NCKAP5: variants seen among roughly 807,000 people sequenced by gnomAD.
NCKAP5 encodes NCK associated protein 5, also known as nck-associated protein 5.
Under a neutral mutation model 167.0 loss-of-function variants are expected in NCKAP5, and 92 were observed. The observed-to-expected ratio is 0.55, with a 90% CI of 0.47 to 0.66. The LOEUF (loss-of-function observed/expected upper bound fraction) is 0.66, where lower values mean the gene tolerates loss of function less well. Among genes scored for constraint, NCKAP5 ranks in the 30% least tolerant of loss-of-function variants. NCKAP5 has a pLI of 0.00. For missense variants in NCKAP5, 2,378 were observed against 2,315.0 expected (o/e 1.03, Z -0.56); for synonymous variants, 891 against 877.4 (o/e 1.02, Z -0.27).
intron 8 of NCKAP5, among the ~76,000 whole-genome samples, chr2:132,952,720 T>C (rs897094555): frequency 2.0e-5 from 3 of 152,230 alleles, no homozygotes; most frequent in Non-Finnish European, 4.4e-5. Context: ...AAACGAGCAC[T>C]GATCAAAGGC....
chr2:133,282,526 C>T, intron 4 of NCKAP5, among the ~76,000 whole-genome samples: 1 of 152,168 alleles, frequency 6.6e-6, no homozygotes, highest in East Asian at 1.9e-4. Flanking sequence ...GGGATAAAAA[C>T]ACCTAAACTG....
chr2:133,305,334 T>C (rs1421088019), intron 3 of NCKAP5, among the ~76,000 whole-genome samples: 1 of 152,200 alleles, frequency 6.6e-6, no homozygotes, highest in Non-Finnish European at 1.5e-5. Context: ...GTCACATTAT[T>C]AAATCTCTCT....
chr2:132,815,196 A>G (rs150074253), intron 11 of NCKAP5, among the ~76,000 whole-genome samples: 42 of 152,286 alleles, frequency 2.8e-4, no homozygotes, highest in Non-Finnish European at 3.4e-4. Context: ...TTCCTTTCAT[A>G]TTATACCATG....
rs569728032 is a variant in NCKAP5 at position 133,383,780 on chromosome 2, C to A, written c.70-80670G>T. Among the ~76,000 whole-genome samples, 16 of 152,270 alleles carry A rather than the reference C, an allele frequency of 1.1e-4. No homozygotes were observed. The East Asian group carries it at 2.7e-3, about 26-fold the overall frequency. On this transcript the variant is annotated intron_variant, in intron 3 of 19. Coordinates refer to ENST00000409261, the MANE Select transcript of NCKAP5 (RefSeq NM_207363.3). Reference sequence around the variant, plus strand: ...TTCTAACTGGTGTGAGATGGTATCTCATTGTGGTTTTGATTTGCATTTCTC... The same window carrying A: ...TTCTAACTGGTGTGAGATGGTATCTAATTGTGGTTTTGATTTGCATTTCTC...
intron 5 of NCKAP5, among the ~76,000 whole-genome samples, chr2:133,156,022 G>C (rs1200548454): frequency 1.3e-5 from 2 of 152,188 alleles, no homozygotes; most frequent in African/African-American, 4.8e-5. Flanking sequence ...TCTTAAGACA[G>C]GGCAATGACA....
chr2:133,133,004 A>G (rs1159888861), intron 5 of NCKAP5, among the ~76,000 whole-genome samples: 2 of 152,166 alleles, frequency 1.3e-5, no homozygotes, highest in Non-Finnish European at 2.9e-5. Flanking sequence ...CAGGCTACAC[A>G]TAGAAAAAAT....
chr2:133,393,586 T>C (rs1477502935), intron 3 of NCKAP5, among the ~76,000 whole-genome samples: 3 of 152,244 alleles, frequency 2.0e-5, no homozygotes, highest in African/African-American at 7.2e-5. Context: ...TATATTCATC[T>C]TTCATACTGA....
At chr2:132,727,009 T>TTCA (rs1690521391) in intron 18 of NCKAP5, among the ~76,000 whole-genome samples, 1 of 152,204 alleles carries the variant, frequency 6.6e-6, no homozygotes, top group South Asian at 2.1e-4. Flanking sequence ...CCAGGCATCG[T>TTCA]GCCAGGTACT....
the NCKAP5 span, among the ~76,000 whole-genome samples, chr2:133,653,717 T>C: frequency 6.6e-6 from 1 of 152,192 alleles, no homozygotes; most frequent in South Asian, 2.1e-4. Context: ...GACCAGATCC[T>C]AGAGTTCTGT....
intron 2 of NCKAP5, among the ~76,000 whole-genome samples, chr2:133,534,645 T>C (rs1314777952): frequency 6.6e-6 from 1 of 152,234 alleles, no homozygotes; most frequent in Non-Finnish European, 1.5e-5. Context: ...GAATCATCCA[T>C]GTTGCAGCAC....
intron 6 of NCKAP5, among the ~76,000 whole-genome samples, chr2:133,126,885 T>C (rs1335496791): frequency 6.6e-6 from 1 of 152,206 alleles, no homozygotes; most frequent in Admixed American, 6.5e-5. Context: ...ATTTTGTTTT[T>C]ATTTTATCAG....
chr2:133,267,485 G>A (rs2089298916), intron 4 of NCKAP5: 1 of 152,176 alleles, frequency 6.6e-6, no homozygotes, highest in Non-Finnish European at 1.5e-5. Context: ...AAGTGCAGTT[G>A]GGAATAAAGC....
chr2:132,813,075 AAAAG>A (rs1220955227), intron 11 of NCKAP5, among the ~76,000 whole-genome samples: 1 of 152,236 alleles, frequency 6.6e-6, no homozygotes, highest in African/African-American at 2.4e-5. Flanking sequence ...CAGGGGTCAA[AAAAG>A]AAAGAAAGGT....
At chr2:133,621,001 G>A in the NCKAP5 span, among the ~76,000 whole-genome samples, 1 of 152,046 alleles carries the variant, frequency 6.6e-6, no homozygotes, top group Admixed American at 6.6e-5. Context: ...TGGAAATTAA[G>A]TAACCTGCTC....
chr2:132,785,471 T>C lies in NCKAP5; in HGVS notation c.1340A>G (p.Lys447Arg), dbSNP rs760009144. The C allele has an allele frequency of 5.6e-6, 9 of 1,613,454 alleles. No individual in the cohort carries two copies. Among genetic ancestry groups the C allele is most frequent in the Non-Finnish European group, 7.6e-6 (9 of 1,179,676 alleles). Residue 447 changes from lysine to arginine, a missense_variant, in exon 14 of 20, where the codon AAG becomes AGG. This residue lies in a region of NCKAP5 where 1,049 missense variants were observed against 1,023.4 expected (regional missense o/e 1.02). Transcript: ENST00000409261. ...YSPGIKSSSL[K>R]EYPPCKTADL... ...AGCTGTTTTGCAGGGGGGATACTCC[T>C]TGAGGCTGCTACTTTTAATTCCAGG...
At chr2:132,923,040 G>A (rs1043020831) in intron 8 of NCKAP5, among the ~76,000 whole-genome samples, 4 of 152,112 alleles carry the variant, frequency 2.6e-5, no homozygotes, top group Non-Finnish European at 5.9e-5. Context: ...TTCATGCCAG[G>A]CACTGTGTGG....
At chr2:132,681,475 T>C (rs1685223154) in intron 19 of NCKAP5, among the ~76,000 whole-genome samples, 2 of 152,142 alleles carry the variant, frequency 1.3e-5, no homozygotes, top group Admixed American at 6.5e-5. Flanking sequence ...CGTGAACTTT[T>C]GTCAGATGAA....
intron 3 of NCKAP5, among the ~76,000 whole-genome samples, chr2:133,426,987 A>G (rs1574936958): frequency 6.6e-6 from 1 of 152,240 alleles, no homozygotes; most frequent in Non-Finnish European, 1.5e-5. Flanking sequence ...GGTAGCCAGG[A>G]AAGGCGGTCA....
chr2:133,477,114 G>A (rs1012513770), intron 3 of NCKAP5, among the ~76,000 whole-genome samples: 3 of 152,188 alleles, frequency 2.0e-5, no homozygotes, highest in Admixed American at 2.0e-4. Flanking sequence ...CTTAAGGTTG[G>A]ATTAAACTAT....
Sources: gnomAD v4.1 joint callset for allele counts (sites outside exome capture counted in the v4.1 genomes callset) on GRCh38, gnomAD v4.1.1 for gene constraint, gnomAD v4.1.1 regional missense constraint, MANE v1.5 for transcripts, NCBI Gene and HGNC (gene_info 2026-07-23, HGNC 2026-07-21) for gene names.